The following BMAL1 variants were observed in gnomAD, a reference collection of about 807,000 sequenced individuals.
BMAL1 encodes basic helix-loop-helix ARNT like 1.
At chr11:13,324,155 C>G in the BMAL1 span, among the ~76,000 whole-genome samples, 1 of 152,112 alleles carries the variant, frequency 6.6e-6, no homozygotes, top group Non-Finnish European at 1.5e-5. Context: ...CTCGTTCAAA[C>G]CTCCACTGTC....
chr11:13,312,593 A>G, the BMAL1 span, among the ~76,000 whole-genome samples: 5 of 152,240 alleles, frequency 3.3e-5, no homozygotes, highest in African/African-American at 1.2e-4. Context: ...GCTAGAAGGC[A>G]TGAGAGTCAG....
the BMAL1 span, among the ~76,000 whole-genome samples, chr11:13,296,006 T>C: frequency 0.089 from 13,469 of 152,152 alleles, 2,029 homozygotes; most frequent in African/African-American, 0.31. Flanking sequence ...TGATTACCAG[T>C]GCTCACAGGA....
the BMAL1 span, among the ~76,000 whole-genome samples, chr11:13,386,339 C>G: frequency 6.9e-6 from 1 of 145,072 alleles, no homozygotes; most frequent in African/African-American, 2.5e-5. Context: ...GTACTTATTT[C>G]TAAAATGATC....
chr11:13,366,101 A>T, the BMAL1 span, among the ~76,000 whole-genome samples: 10 of 152,212 alleles, frequency 6.6e-5, no homozygotes, highest in Non-Finnish European at 1.2e-4. Context: ...CAGAGTTTTT[A>T]TTCATTTATT....
chr11:13,282,760 C>T, the BMAL1 span, among the ~76,000 whole-genome samples: 1 of 152,248 alleles, frequency 6.6e-6, no homozygotes, highest in Admixed American at 6.5e-5. Context: ...AATATCTCAC[C>T]TGCTCGCTCA....
the BMAL1 span, among the ~76,000 whole-genome samples, chr11:13,373,751 T>C: frequency 6.6e-6 from 1 of 152,194 alleles, no homozygotes; most frequent in Admixed American, 6.5e-5. Context: ...TCAGACAATC[T>C]GCCCAACTCG....
the BMAL1 span, among the ~76,000 whole-genome samples, chr11:13,377,964 C>T: frequency 6.6e-6 from 1 of 152,224 alleles, no homozygotes; most frequent in Admixed American, 6.5e-5. Context: ...GTCAAACTTA[C>T]AACATTTTGC....
At chr11:13,368,369 C>T in the BMAL1 span, among the ~76,000 whole-genome samples, 2 of 152,216 alleles carry the variant, frequency 1.3e-5, no homozygotes, top group Non-Finnish European at 2.9e-5. Context: ...AGGAAACAAT[C>T]TGTGCACAGG....
chr11:13,321,838 A>G, the BMAL1 span, among the ~76,000 whole-genome samples: 3 of 152,180 alleles, frequency 2.0e-5, no homozygotes, highest in Admixed American at 6.5e-5. Flanking sequence ...GAAAGAATAC[A>G]CAGTGCCCTG....
chr11:13,290,745 T>G, the BMAL1 span, among the ~76,000 whole-genome samples: 5 of 152,112 alleles, frequency 3.3e-5, no homozygotes, highest in Admixed American at 3.3e-4. Flanking sequence ...TCAGACGAGC[T>G]TCAGCTGATA....
At chr11:13,363,417 C>T in the BMAL1 span, among the ~76,000 whole-genome samples, 6 of 151,936 alleles carry the variant, frequency 3.9e-5, no homozygotes, top group South Asian at 2.1e-4. Context: ...CTCTCTTGCC[C>T]GATGAAGGTT....
chr11:13,366,580 C>A, the BMAL1 span: 3 of 1,216,236 alleles, frequency 2.5e-6, no homozygotes, highest in Non-Finnish European at 3.6e-6. Context: ...ACAAAGGCAA[C>A]ATGCAGACTG....
the BMAL1 span, among the ~76,000 whole-genome samples, chr11:13,279,548 GAAT>G: frequency 2.8e-4 from 42 of 152,250 alleles, 2 homozygotes; most frequent in South Asian, 8.5e-3. Flanking sequence ...GAGCAGTTTT[GAAT>G]AATATCATGC....
the BMAL1 span, among the ~76,000 whole-genome samples, chr11:13,355,567 CAATT>C: frequency 2.6e-5 from 4 of 152,182 alleles, no homozygotes; most frequent in South Asian, 2.1e-4. Context: ...CATGGAGACT[CAATT>C]AATTAAGCAA....
At chr11:13,322,577 CTTATG>C in the BMAL1 span, among the ~76,000 whole-genome samples, 2 of 152,026 alleles carry the variant, frequency 1.3e-5, no homozygotes, top group African/African-American at 4.8e-5. Flanking sequence ...ATGCCCAGGC[CTTATG>C]TTAGGTGAAG....
chr11:13,365,282 A>AACACACACACACACAC, the BMAL1 span: 97 of 182,818 alleles, frequency 5.3e-4, no homozygotes, highest in South Asian at 8.5e-4. Flanking sequence ...GATATGCAGA[A>AACACACACACACACAC]ACACACACAC....
the BMAL1 span, among the ~76,000 whole-genome samples, chr11:13,312,197 T>C: frequency 4.8e-4 from 73 of 152,348 alleles, no homozygotes; most frequent in African/African-American, 1.6e-3. Context: ...ATTTCATCTT[T>C]GCAATGACCT....
At chr11:13,346,836 T>C in the BMAL1 span, among the ~76,000 whole-genome samples, 144,477 of 152,206 alleles carry the variant, frequency 0.95, 68,944 homozygotes, top group Non-Finnish European at 0.99. Context: ...AGCATCCTCA[T>C]CACACACCAT....
At chr11:13,301,117 A>G in the BMAL1 span, among the ~76,000 whole-genome samples, 91 of 152,224 alleles carry the variant, frequency 6.0e-4, no homozygotes, top group African/African-American at 2.0e-3. Context: ...TTGTATTTTC[A>G]GTAGAAATGG....
Sources: allele counts gnomAD v4.1 joint callset (sites outside exome capture counted in the v4.1 genomes callset), GRCh38; gene constraint gnomAD v4.1.1; transcripts MANE v1.5; gene names NCBI Gene and HGNC (gene_info 2026-07-23, HGNC 2026-07-21).